Variants in STK39 observed in about 807,000 individuals in gnomAD.
STK39 encodes STE20/SPS1-related proline-alanine-rich protein kinase.
STK39 carries 20 observed loss-of-function variants against 77.8 expected under a neutral mutation model. That is an observed-to-expected ratio of 0.26 (90% CI 0.18 to 0.37). The LOEUF is 0.37. STK39 is among the 10% of genes least tolerant of loss of function. STK39 has a pLI of 1.00. For synonymous variants in STK39, 246 were observed against 234.1 expected (o/e 1.05, Z -0.47); for missense variants, 479 against 656.5 (o/e 0.73, Z 2.95).
chr2:168,171,636 G>A (rs1318882693), intron 2 of STK39, among the ~76,000 whole-genome samples: 1 of 151,794 alleles, frequency 6.6e-6, no homozygotes, highest in Non-Finnish European at 1.5e-5. Context: ...ATGAGCACAT[G>A]CTATCACATC....
intron 5 of STK39, among the ~76,000 whole-genome samples, chr2:168,141,663 A>AGC (rs1312035628): frequency 2.0e-5 from 3 of 152,220 alleles, no homozygotes; most frequent in Non-Finnish European, 4.4e-5. Flanking sequence ...ACTACTTGAT[A>AGC]GCGAGCTGGT....
At chr2:168,020,911 G>A (rs895779249) in intron 14 of STK39, among the ~76,000 whole-genome samples, 5 of 152,030 alleles carry the variant, frequency 3.3e-5, no homozygotes, top group African/African-American at 1.2e-4. Context: ...GATTTTGCAT[G>A]TTCTCATAAA....
intron 2 of STK39, among the ~76,000 whole-genome samples, chr2:168,171,793 T>C (rs1369737915): frequency 6.6e-6 from 1 of 152,018 alleles, no homozygotes; most frequent in African/African-American, 2.4e-5. Context: ...CTGCCATAAC[T>C]AAATATAATA....
At position 167,973,441 on chromosome 2, in the gene STK39, C is replaced by T. The variant is rs143471115; in HGVS notation, c.1499-8715G>A. Among the ~76,000 whole-genome samples the T allele has an allele frequency of 6.0e-3, 919 of 152,178 alleles. 9 individuals are homozygous for T. Among genetic ancestry groups the T allele is most frequent in the African/African-American group, 0.021 (877 of 41,522 alleles). The stretch of plus-strand genomic sequence containing the variant: ...GGTTATAAAGAAAATGGATTTTATA[C>T]CAGAAAGGATTTTGTATAGTAAATT... On this transcript the variant is annotated intron_variant, in intron 16 of 17. Coordinates refer to ENST00000355999, the MANE Select transcript of STK39 (RefSeq NM_013233.3).
At chr2:168,098,268 G>T (rs1180340266) in intron 10 of STK39, among the ~76,000 whole-genome samples, 7 of 152,172 alleles carry the variant, frequency 4.6e-5, no homozygotes, top group Non-Finnish European at 7.3e-5. Context: ...GAAGACAACT[G>T]CAAGTGCCCA....
At chr2:168,155,814 A>G (rs1444781732) in intron 5 of STK39, among the ~76,000 whole-genome samples, 1 of 152,210 alleles carries the variant, frequency 6.6e-6, no homozygotes, top group Admixed American at 6.5e-5. Context: ...CTAAGCTGAT[A>G]TATTCTTACT....
At chr2:168,236,854 T>C (rs1164173572) in intron 1 of STK39, among the ~76,000 whole-genome samples, 1 of 152,184 alleles carries the variant, frequency 6.6e-6, no homozygotes, top group Non-Finnish European at 1.5e-5. Context: ...TACTGTAGCC[T>C]TGTAGGATAG....
intron 13 of STK39, 98 bp downstream of exon 13, chr2:168,065,221 G>T: frequency 7.8e-7 from 1 of 1,283,536 alleles, no homozygotes. Context: ...TTGATTTGGA[G>T]GCACTACCTT....
intron 5 of STK39, among the ~76,000 whole-genome samples, chr2:168,147,761 G>T (rs1350704347): frequency 2.0e-5 from 3 of 152,112 alleles, no homozygotes; most frequent in African/African-American, 7.2e-5. Flanking sequence ...CAAGAAACAT[G>T]CTAATGGGCC....
At chr2:168,094,731 TTC>T (rs1008075208) in intron 10 of STK39, among the ~76,000 whole-genome samples, 1 of 152,136 alleles carries the variant, frequency 6.6e-6, no homozygotes, top group South Asian at 2.1e-4. Context: ...GGCTCCTTTG[TTC>T]TCTCTGTCAT....
At chr2:168,195,740 C>T (rs1405069869) in intron 1 of STK39, among the ~76,000 whole-genome samples, 4 of 152,130 alleles carry the variant, frequency 2.6e-5, no homozygotes, top group Non-Finnish European at 4.4e-5. Flanking sequence ...CTATTGGCTG[C>T]GCGAGGTGGC....
At chr2:168,235,455 T>G (rs1276425886) in intron 1 of STK39, among the ~76,000 whole-genome samples, 2 of 152,096 alleles carry the variant, frequency 1.3e-5, no homozygotes, top group Non-Finnish European at 2.9e-5. Context: ...TTTTTTTTTT[T>G]TAATTATTAT....
rs557530952 is a variant in STK39 at position 167,997,320 on chromosome 2, T to C, written c.1498+15314A>G. On this transcript the variant is annotated intron_variant, in intron 16 of 17. Coordinates refer to ENST00000355999, the MANE Select transcript of STK39 (RefSeq NM_013233.3). Reference sequence around the variant, plus strand: ...GGGGAAACTGCAGGGTGGCTTTATATTCTCTGACTGATACGGTATTTTGTA... The same window carrying C: ...GGGGAAACTGCAGGGTGGCTTTATACTCTCTGACTGATACGGTATTTTGTA... Among the ~76,000 whole-genome samples, 3 of 152,096 alleles carry C rather than the reference T, an allele frequency of 2.0e-5. 1 individual carries two copies. Among genetic ancestry groups the C allele is most frequent in the African/African-American group, 7.2e-5 (3 of 41,472 alleles).
chr2:168,126,407 C>T (rs1056900292), intron 10 of STK39, among the ~76,000 whole-genome samples: 8 of 152,176 alleles, frequency 5.3e-5, no homozygotes, highest in African/African-American at 1.9e-4. Flanking sequence ...ACTGGAACAA[C>T]CTAAGACAAG....
chr2:167,955,447 G>C lies in STK39; in HGVS notation c.*49C>G. 1 of 1,576,516 alleles carries C rather than the reference G, an allele frequency of 6.3e-7. No homozygotes were observed. Among genetic ancestry groups the C allele is most frequent in the Non-Finnish European group, 8.7e-7 (1 of 1,148,776 alleles). ...GAAAGAGGGAGGGTTGAAGGGAGTA[G>C]GGGTGGCGGTGGGGCATGACAGATC... is the stretch of plus-strand genomic sequence containing the variant. On this transcript the variant is annotated 3_prime_UTR_variant, in exon 18 of 18. Transcript: ENST00000355999.
chr2:167,999,492 C>A (rs1285854205), intron 16 of STK39, among the ~76,000 whole-genome samples: 2 of 152,054 alleles, frequency 1.3e-5, no homozygotes, highest in African/African-American at 4.8e-5. Context: ...GATGGAGTCT[C>A]ACTCTGTGGC....
rs1272273092 is a variant in STK39 at position 168,140,284 on chromosome 2, A to G, written c.840+5T>C. ...CCCCGATGTAGTATTTCCAATTGTA[A>G]TTACTTTCATGGGAGGATATTTGTG... On this transcript the variant is annotated splice_donor_5th_base_variant and intron_variant, in intron 7 of 17. Coordinates refer to ENST00000355999, the MANE Select transcript of STK39 (RefSeq NM_013233.3). 1 of 1,610,684 alleles carries G rather than the reference A, an allele frequency of 6.2e-7. No homozygotes were observed. The highest frequency in any genetic ancestry group is 1.1e-5 in the South Asian group (1 of 90,998).
At chr2:168,120,785 A>G (rs1687385486) in intron 10 of STK39, among the ~76,000 whole-genome samples, 1 of 152,162 alleles carries the variant, frequency 6.6e-6, no homozygotes, top group African/African-American at 2.4e-5. Flanking sequence ...TTACCACTTC[A>G]TGAGTGAGAA....
chr2:168,079,234 C>G (rs777921561), intron 10 of STK39, among the ~76,000 whole-genome samples: 19 of 152,264 alleles, frequency 1.2e-4, no homozygotes, highest in Middle Eastern at 3.4e-3. Context: ...CCATCCTACA[C>G]CTACTGCCTG....
Sources: allele counts gnomAD v4.1 joint callset (sites outside exome capture counted in the v4.1 genomes callset), GRCh38; gene constraint gnomAD v4.1.1; transcripts MANE v1.5; gene names NCBI Gene and HGNC (gene_info 2026-07-23, HGNC 2026-07-21).